The following CORO2B variants were observed in gnomAD, a reference collection of about 807,000 sequenced individuals.
CORO2B encodes the protein coronin-2B.
CORO2B carries 26 observed loss-of-function variants against 58.8 expected under a neutral mutation model. The ratio of observed to expected loss-of-function variants is 0.44; its 90% CI spans 0.32 to 0.61. CORO2B has a LOEUF of 0.61. Ranked by LOEUF, CORO2B falls within the 20% of genes least tolerant of loss-of-function variation. The pLI is 0.04. For missense variants in CORO2B, 460 were observed against 645.1 expected (o/e 0.71, Z 3.11); for synonymous variants, 242 against 253.8 (o/e 0.95, Z 0.44).
intron 1 of CORO2B, among the ~76,000 whole-genome samples, chr15:68,579,799 G>C (rs1480412342): frequency 1.3e-5 from 2 of 152,242 alleles, no homozygotes; most frequent in Non-Finnish European, 2.9e-5. Flanking sequence ...GCCCAGTCCC[G>C]GGAGCCGCTA....
At chr15:68,632,188 A>G (rs1471325788) in intron 1 of CORO2B, 7 of 985,448 alleles carry the variant, frequency 7.1e-6, no homozygotes, top group Non-Finnish European at 8.4e-6. Flanking sequence ...CCCATGTGGC[A>G]TAACTCCTTG....
At chr15:68,601,405 C>T (rs1028255901) in intron 1 of CORO2B, among the ~76,000 whole-genome samples, 2 of 152,216 alleles carry the variant, frequency 1.3e-5, no homozygotes, top group African/African-American at 2.4e-5. Context: ...CTGTGCCTTT[C>T]GGTAGGCACC....
intron 11 of CORO2B, among the ~76,000 whole-genome samples, chr15:68,723,781 T>G (rs1893225500): frequency 6.6e-6 from 1 of 152,090 alleles, no homozygotes; most frequent in Non-Finnish European, 1.5e-5. Flanking sequence ...TATTTTTGTT[T>G]TAAACATAAA....
chr15:68,674,145 G>A (rs1218474150), intron 2 of CORO2B, among the ~76,000 whole-genome samples: 1 of 152,184 alleles, frequency 6.6e-6, no homozygotes, highest in Non-Finnish European at 1.5e-5. Context: ...GAGTCTAAGA[G>A]CTTGGATGTG....
In CORO2B at chr15:68,726,086, G is replaced by C; in HGVS notation, c.*112G>C. On this transcript the variant is annotated 3_prime_UTR_variant, in exon 12 of 12. Coordinates refer to ENST00000261861, the MANE Select transcript of CORO2B (RefSeq NM_006091.5). ...AGAGCCAGGACAGGAGTGGGGGCCA[G>C]CCTGAGGACCCCCGCCTACCACCTC... 7.2e-7 allele frequency: 1 copy of C among 1,391,826 alleles called. No individual in the cohort carries two copies. Among genetic ancestry groups the C allele is most frequent in the Non-Finnish European group, 9.8e-7 (1 of 1,025,434 alleles). 86.2% of individuals were successfully genotyped at this position (1,391,826 alleles called of 1,614,324 possible).
chr15:68,574,752 T>C (rs912014393), upstream of CORO2B, among the ~76,000 whole-genome samples: 1 of 152,194 alleles, frequency 6.6e-6, no homozygotes, highest in Admixed American at 6.5e-5. Flanking sequence ...CAAATATATT[T>C]CATTATGATT....
At chr15:68,718,250 C>G (rs186831451) in intron 8 of CORO2B, among the ~76,000 whole-genome samples, 14 of 152,304 alleles carry the variant, frequency 9.2e-5, no homozygotes, top group Admixed American at 5.9e-4. Context: ...GGGGAATGGC[C>G]TCTCCCTCCT....
At chr15:68,601,240 G>A (rs1443258802) in intron 1 of CORO2B, among the ~76,000 whole-genome samples, 3 of 152,204 alleles carry the variant, frequency 2.0e-5, no homozygotes, top group African/African-American at 7.2e-5. Context: ...GCCAAGCTCT[G>A]TGCCAGGCCC....
At position 68,645,432 on chromosome 15, in the gene CORO2B, C is replaced by G; in HGVS notation, c.216+72C>G. ...GGAGCCCTCCTTGGTCTCTCTTAGG[C>G]CTGTTGACCCTACTTCTCTCTGAGT... On this transcript the variant is annotated intron_variant, in intron 2 of 11. Coordinates refer to ENST00000261861, the MANE Select transcript of CORO2B (RefSeq NM_006091.5). This position sits in a 1 kb window ranked among gnomAD's most constrained non-coding sequence, Gnocchi z 4.5. The G allele has an allele frequency of 7.1e-7, 1 of 1,408,640 alleles. No individual in the cohort carries two copies. The highest frequency in any genetic ancestry group is 2.3e-5 in the East Asian group (1 of 43,240). The allele number at this position is 1,408,640 out of a possible 1,614,324, so 87.3% of individuals were successfully genotyped here.
chr15:68,632,273 G>A (rs1900860776), intron 1 of CORO2B: 2 of 985,396 alleles, frequency 2.0e-6, no homozygotes. Context: ...CTGACAACTT[G>A]GATGTGCAAA....
At chr15:68,585,268 T>C (rs1899522794) in intron 1 of CORO2B, among the ~76,000 whole-genome samples, 2 of 152,160 alleles carry the variant, frequency 1.3e-5, no homozygotes, top group South Asian at 4.1e-4. Context: ...AGAGCTAATG[T>C]GGGTCAGAGG....
the CORO2B span, among the ~76,000 whole-genome samples, chr15:68,528,125 ATTTC>A: frequency 6.6e-6 from 1 of 152,022 alleles, no homozygotes; most frequent in African/African-American, 2.4e-5. Context: ...GATGTCTTTT[ATTTC>A]TTTTTCTTGC....
chr15:68,718,844 G>A (rs1275452949), intron 9 of CORO2B, 34 bp downstream of exon 9: 2 of 1,529,490 alleles, frequency 1.3e-6, no homozygotes, highest in African/African-American at 1.4e-5. Flanking sequence ...CAGGAGGGGG[G>A]CCTGCATCGC....
intron 1 of CORO2B, among the ~76,000 whole-genome samples, chr15:68,603,597 G>A (rs1306542686): frequency 6.6e-6 from 1 of 152,004 alleles, no homozygotes; most frequent in African/African-American, 2.4e-5. Flanking sequence ...GATAATTCAG[G>A]GTAAATGAGG....
At chr15:68,706,326 C>T (rs1210172827) in intron 3 of CORO2B, among the ~76,000 whole-genome samples, 3 of 152,158 alleles carry the variant, frequency 2.0e-5, no homozygotes, top group Admixed American at 6.5e-5. Context: ...GGCCCTCCCA[C>T]CCTCGTCCCC....
At chr15:68,633,950 G>A (rs1039785124) in intron 1 of CORO2B, among the ~76,000 whole-genome samples, 2 of 152,244 alleles carry the variant, frequency 1.3e-5, no homozygotes, top group African/African-American at 4.8e-5. Context: ...TGGGCCAGGG[G>A]CCAGGCCAGG....
intron 3 of CORO2B, among the ~76,000 whole-genome samples, chr15:68,708,261 G>A (rs1892828693): frequency 6.6e-6 from 1 of 151,984 alleles, no homozygotes; most frequent in South Asian, 2.1e-4. Flanking sequence ...GAGGCACCAA[G>A]AAGGAAAATT....
chr15:68,611,079 A>G (rs1900237115), intron 1 of CORO2B, among the ~76,000 whole-genome samples: 1 of 152,128 alleles, frequency 6.6e-6, no homozygotes, highest in South Asian at 2.1e-4. Flanking sequence ...ACATGAGAAA[A>G]TGCGCCCCAC....
intron 7 of CORO2B, among the ~76,000 whole-genome samples, 174 bp from the exon 8 acceptor site, chr15:68,715,041 C>T (rs925659426): frequency 2.0e-5 from 3 of 152,138 alleles, no homozygotes; most frequent in African/African-American, 4.8e-5. Flanking sequence ...CCTCTCCACC[C>T]GCAGTGAGTC....
Sources: gnomAD v4.1 joint callset for allele counts (sites outside exome capture counted in the v4.1 genomes callset) on GRCh38, gnomAD v4.1.1 for gene constraint, Gnocchi (gnomAD v3.1) non-coding constraint, MANE v1.5 for transcripts, NCBI Gene and HGNC (gene_info 2026-07-23, HGNC 2026-07-21) for gene names.